PARVA: variants seen among roughly 807,000 people sequenced by gnomAD.
PARVA encodes alpha-parvin.
PARVA carries 25 observed loss-of-function variants against 52.6 expected under a neutral mutation model. That is an observed-to-expected ratio of 0.48 (90% CI 0.35 to 0.66). The LOEUF is 0.66. Ranked by LOEUF, PARVA falls within the 30% of genes least tolerant of loss-of-function variation. PARVA has a pLI of 0.01. For synonymous variants in PARVA, 185 were observed against 179.1 expected, an observed-to-expected ratio of 1.03 and a Z score of -0.26; for missense variants, 373 against 450.9, an observed-to-expected ratio of 0.83 and a Z score of 1.56.
chr11:12,465,141 C>A (rs1294804981), intron 1 of PARVA, among the ~76,000 whole-genome samples: 1 of 152,102 alleles, frequency 6.6e-6, no homozygotes, highest in Non-Finnish European at 1.5e-5. Context: ...CAGTACTGGT[C>A]CACGTTCTAG....
Position 12,528,216 on chromosome 11 carries a change from T to G in PARVA, c.*291T>G. Reference sequence around the variant, plus strand: ...TCCCTCCATGATTTGGGAACCAGCTTAGGCAAAAGAGTCCCCACAAGATGA... The same window carrying G: ...TCCCTCCATGATTTGGGAACCAGCTGAGGCAAAAGAGTCCCCACAAGATGA... On this transcript the variant is annotated 3_prime_UTR_variant, in exon 13 of 13. Coordinates refer to ENST00000334956, the MANE Select transcript of PARVA (RefSeq NM_018222.5). The G allele has an allele frequency of 6.4e-6, 3 of 469,902 alleles. No homozygotes were observed. In the South Asian group the frequency reaches 9.6e-5, roughly 15 times the overall value. The allele number at this position is 469,902 out of a possible 1,614,324, so 29.1% of individuals were successfully genotyped here. A position where few individuals can be genotyped will look rare whatever the true frequency, so the allele number is the denominator to read the frequency against.
chr11:12,438,259 CAAAAA>C (rs1222652970), intron 1 of PARVA, among the ~76,000 whole-genome samples: 2 of 100,500 alleles, frequency 2.0e-5, no homozygotes, highest in East Asian at 3.0e-4. Context: ...GACTGCATCT[CAAAAA>C]AAAAAAAAAA....
At chr11:12,486,546 AAAAAT>A (rs1388125392) in intron 4 of PARVA, among the ~76,000 whole-genome samples, 7 of 151,940 alleles carry the variant, frequency 4.6e-5, no homozygotes, top group African/African-American at 1.5e-4. Context: ...AAATAAAAAT[AAAAAT>A]AAAATAAAAT....
intron 1 of PARVA, among the ~76,000 whole-genome samples, chr11:12,467,402 T>C (rs960517370): frequency 6.6e-6 from 1 of 152,230 alleles, no homozygotes; most frequent in Non-Finnish European, 1.5e-5. Flanking sequence ...AGATTTCTAG[T>C]ATAATTTTGA....
chr11:12,505,183 C>A (rs1015877754), intron 6 of PARVA, among the ~76,000 whole-genome samples: 1 of 152,164 alleles, frequency 6.6e-6, no homozygotes, highest in African/African-American at 2.4e-5. Flanking sequence ...AAAAGGTCAT[C>A]CTTTTGTTTG....
rs117538208 is a variant in PARVA, at chr11:12,382,769, G to A, written c.136+4986G>A. Among the ~76,000 whole-genome samples, 1,368 of 152,300 alleles carry A rather than the reference G, an allele frequency of 9.0e-3. 8 individuals are homozygous for A. Among genetic ancestry groups the A allele is most frequent in the Non-Finnish European group, 0.014 (946 of 68,022 alleles). ...ACCCCTTATTCATTCTATGACTTAA[G>A]ACAAGTTACTTAACCCCTGTAAGCC... On this transcript the variant is annotated intron_variant, in intron 1 of 12. Coordinates refer to ENST00000334956, the MANE Select transcript of PARVA (RefSeq NM_018222.5).
At chr11:12,392,470 T>G (rs972037190) in intron 1 of PARVA, among the ~76,000 whole-genome samples, 1 of 152,126 alleles carries the variant, frequency 6.6e-6, no homozygotes, top group Non-Finnish European at 1.5e-5. Flanking sequence ...GGTTTCACCA[T>G]GTTGGCCAGG....
At chr11:12,433,912 A>C (rs987147020) in intron 1 of PARVA, among the ~76,000 whole-genome samples, 1 of 152,212 alleles carries the variant, frequency 6.6e-6, no homozygotes, top group Non-Finnish European at 1.5e-5. Context: ...AATTGACCAC[A>C]GATGTAAGTA....
chr11:12,481,967 C>T (rs10831830), intron 4 of PARVA, among the ~76,000 whole-genome samples: 60,867 of 151,144 alleles, frequency 0.4, 12,892 homozygotes, highest in East Asian at 0.66. Flanking sequence ...GTCAGGAGTT[C>T]GAGACCAGCC....
At chr11:12,509,257 T>C (rs1294378818) in intron 7 of PARVA, among the ~76,000 whole-genome samples, 1 of 152,066 alleles carries the variant, frequency 6.6e-6, no homozygotes, top group Non-Finnish European at 1.5e-5. Flanking sequence ...GCTTTCAGCA[T>C]TCCCTGCTCC....
chr11:12,485,875 T>C (rs117698014), intron 4 of PARVA, among the ~76,000 whole-genome samples: 114 of 152,098 alleles, frequency 7.5e-4, no homozygotes, highest in Non-Finnish European at 1.3e-3. Context: ...GAGAAAAATA[T>C]AGGAAAAATC....
chr11:12,486,672 C>G (rs1941162783), intron 4 of PARVA, among the ~76,000 whole-genome samples: 1 of 152,030 alleles, frequency 6.6e-6, no homozygotes, highest in African/African-American at 2.4e-5. Flanking sequence ...ATGATAAAAC[C>G]TCATTTCTAC....
intron 8 of PARVA, 139 bp from the exon 9 acceptor site, chr11:12,513,160 G>T: frequency 1.3e-6 from 1 of 778,938 alleles, no homozygotes; most frequent in Non-Finnish European, 2.3e-6. Flanking sequence ...CAGAGTTCCC[G>T]GCACAGTCTA....
upstream of PARVA, chr11:12,376,840 TCTTG>T: frequency 5.8e-6 from 3 of 512,950 alleles, no homozygotes; most frequent in Non-Finnish European, 7.5e-6. Flanking sequence ...GTTGTCACTC[TCTTG>T]CTTTTATTTA....
chr11:12,407,008 T>G (rs1398736058), intron 1 of PARVA, among the ~76,000 whole-genome samples: 1 of 152,136 alleles, frequency 6.6e-6, no homozygotes, highest in African/African-American at 2.4e-5. Flanking sequence ...TATTGACATC[T>G]TTTTGTGCAT....
At chr11:12,497,544 C>T (rs1941312969) in intron 5 of PARVA, among the ~76,000 whole-genome samples, 1 of 152,190 alleles carries the variant, frequency 6.6e-6, no homozygotes, top group African/African-American at 2.4e-5. Context: ...TAACATCTGA[C>T]GTTGGGGCTG....
At chr11:12,481,369 C>A (rs1941083542) in intron 4 of PARVA, among the ~76,000 whole-genome samples, 2 of 151,872 alleles carry the variant, frequency 1.3e-5, no homozygotes, top group Admixed American at 1.3e-4. Flanking sequence ...TGGCCTCCAG[C>A]TTCGGCCATT....
Position 12,377,779 on chromosome 11 carries a change from G to A in PARVA, c.132G>A (p.Lys44=). The change falls in exon 1 of 13, where the codon AAG becomes AAA. Residue 44 remains lysine, a synonymous_variant. Coordinates refer to ENST00000334956, the MANE Select transcript of PARVA (RefSeq NM_018222.5). ...GGTLARRKKA[K]EVSELQEEGM... ...CCCTGGCCCGGAGGAAGAAAGCCAA[G>A]GAGGGTGAGTGCGGCCAGGCCGGCC... 2.0e-6 allele frequency: 3 copies of A among 1,507,354 alleles called. No individual in the cohort carries two copies. The highest frequency in any genetic ancestry group is 1.8e-6 in the Non-Finnish European group (2 of 1,131,304). The allele number at this position is 1,507,354 out of a possible 1,614,324, so 93.4% of individuals were successfully genotyped here.
rs377225174 is a variant in PARVA, at chr11:12,532,858, C to T, written c.*4933C>T. ...GAATGAGGGAGAAGACGGATCCGAT[C>T]GCAGGCATCGGGAGTGCTGATTTTT... On this transcript the variant is annotated 3_prime_UTR_variant, in exon 13 of 13. Transcript: ENST00000334956. 2.6e-5 allele frequency among the ~76,000 whole-genome samples: 4 copies of T among 152,148 alleles called. No homozygotes were observed. The highest frequency in any genetic ancestry group is 4.2e-4 in the South Asian group (2 of 4,812).
Sources: allele counts gnomAD v4.1 joint callset (sites outside exome capture counted in the v4.1 genomes callset), GRCh38; gene constraint gnomAD v4.1.1; transcripts MANE v1.5; gene names NCBI Gene and HGNC (gene_info 2026-07-23, HGNC 2026-07-21).